The following CNTNAP5 variants were observed in gnomAD, a reference collection of about 807,000 sequenced individuals.
CNTNAP5 encodes the protein contactin-associated protein-like 5.
A neutral mutation model predicts 150.2 loss-of-function variants in CNTNAP5; 72 were observed. That is an observed-to-expected ratio of 0.48 (90% CI 0.40 to 0.58). The LOEUF is 0.58. Among genes scored for constraint, CNTNAP5 ranks in the 20% least tolerant of loss-of-function variants. The pLI is 0.00. For synonymous variants in CNTNAP5, 672 were observed against 619.8 expected (o/e 1.08, Z -1.25); for missense variants, 1,636 against 1,626.2 (o/e 1.01, Z -0.10).
At chr2:124,055,010 C>T (rs1329797872) in intron 1 of CNTNAP5, among the ~76,000 whole-genome samples, 1 of 152,174 alleles carries the variant, frequency 6.6e-6, no homozygotes, top group Non-Finnish European at 1.5e-5. Flanking sequence ...TCTGGGCTCT[C>T]ACCCCTCTGC....
intron 3 of CNTNAP5, among the ~76,000 whole-genome samples, chr2:124,385,368 C>T (rs141438055): frequency 1.3e-5 from 2 of 152,214 alleles, no homozygotes; most frequent in East Asian, 1.9e-4. Context: ...TCTCTTTACC[C>T]CACTTCAATC....
At chr2:124,426,624 G>A (rs1231651345) in intron 4 of CNTNAP5, among the ~76,000 whole-genome samples, 1 of 152,190 alleles carries the variant, frequency 6.6e-6, no homozygotes, top group East Asian at 1.9e-4. Context: ...TGGCCCGTGA[G>A]GAAGCTGACT....
chr2:124,090,915 A>G (rs928586553), intron 1 of CNTNAP5, among the ~76,000 whole-genome samples: 1 of 152,224 alleles, frequency 6.6e-6, no homozygotes, highest in Non-Finnish European at 1.5e-5. Flanking sequence ...TCTGTTCAAT[A>G]CATTAAGCCC....
chr2:124,247,045 A>G (rs1210240311), intron 3 of CNTNAP5, among the ~76,000 whole-genome samples: 1 of 152,080 alleles, frequency 6.6e-6, no homozygotes, highest in Non-Finnish European at 1.5e-5. Flanking sequence ...CACAGAGGTC[A>G]ATTCAAGCAA....
intron 1 of CNTNAP5, among the ~76,000 whole-genome samples, chr2:124,080,406 T>TA (rs1682533230): frequency 6.6e-6 from 1 of 152,200 alleles, no homozygotes; most frequent in Admixed American, 6.5e-5. Context: ...TAAATTGCCA[T>TA]AAACTAAGAC....
At chr2:124,543,053 T>G (rs1051045753) in intron 10 of CNTNAP5, among the ~76,000 whole-genome samples, 6 of 152,176 alleles carry the variant, frequency 3.9e-5, no homozygotes, top group African/African-American at 1.2e-4. Context: ...AACTTCCCAA[T>G]GTGGTTCACG....
At position 124,163,410 on chromosome 2, in the gene CNTNAP5, CAG is replaced by C. The variant is rs531092176; in HGVS notation, c.83-58290_83-58289del. 1.5e-3 allele frequency among the ~76,000 whole-genome samples: 221 copies of C among 152,246 alleles called. 2 individuals carry two copies. The highest frequency in any genetic ancestry group is 5.0e-3 in the African/African-American group (208 of 41,544). ...AGGAAAGCCTGTATCTACCTACTGACAGAGAGTTTTCATTTACTGCAAATGTC... is the reference window on the plus strand; with the variant it reads ...AGGAAAGCCTGTATCTACCTACTGACAGAGTTTTCATTTACTGCAAATGTC... On this transcript the variant is annotated intron_variant, in intron 1 of 23. Coordinates refer to ENST00000682447, the MANE Select transcript of CNTNAP5 (RefSeq NM_001367498.1).
chr2:124,238,411 T>C (rs950087743), intron 2 of CNTNAP5, among the ~76,000 whole-genome samples: 4 of 152,168 alleles, frequency 2.6e-5, no homozygotes, highest in Admixed American at 6.5e-5. Flanking sequence ...CATCTATTCC[T>C]CCAAAGTCAA....
intron 2 of CNTNAP5, among the ~76,000 whole-genome samples, chr2:124,237,663 C>A (rs1039453517): frequency 6.6e-6 from 1 of 152,162 alleles, no homozygotes. Flanking sequence ...ATGGTGAAAC[C>A]CTGTTTCTAC....
At chr2:124,824,154 G>A (rs745800689) in intron 19 of CNTNAP5, among the ~76,000 whole-genome samples, 5 of 151,864 alleles carry the variant, frequency 3.3e-5, no homozygotes, top group Non-Finnish European at 7.4e-5. Flanking sequence ...TTGACCTTAG[G>A]TGATCTGCCC....
At chr2:124,478,642 A>G (rs1359063844) in intron 7 of CNTNAP5, among the ~76,000 whole-genome samples, 1 of 152,096 alleles carries the variant, frequency 6.6e-6, no homozygotes, top group Non-Finnish European at 1.5e-5. Flanking sequence ...TTCTGTAGTC[A>G]AGCTTAAAGT....
At chr2:124,660,059 G>A (rs959925499) in intron 13 of CNTNAP5, among the ~76,000 whole-genome samples, 3 of 151,078 alleles carry the variant, frequency 2.0e-5, no homozygotes, top group African/African-American at 4.9e-5. Context: ...AGGAAGGAAG[G>A]AAGGAAGGAA....
chr2:124,580,389 G>C (rs1696384200), intron 11 of CNTNAP5, among the ~76,000 whole-genome samples: 1 of 152,214 alleles, frequency 6.6e-6, no homozygotes, highest in African/African-American at 2.4e-5. Flanking sequence ...GTGGTCAACT[G>C]TTCAAACCAT....
Position 124,576,751 on chromosome 2 carries a change from A to T in CNTNAP5, c.1756+13428A>T, listed in dbSNP as rs377629377. Among the ~76,000 whole-genome samples the T allele has an allele frequency of 2.6e-5, 4 of 152,320 alleles. No individual in the cohort carries two copies. In the East Asian group the frequency reaches 7.7e-4, roughly 29 times the overall value. Reference sequence around the variant, plus strand: ...AAATTATTCACCTTCTCAGAACGTTAGTTCTCTCATCTCTAAATATAGGGA... The same window carrying T: ...AAATTATTCACCTTCTCAGAACGTTTGTTCTCTCATCTCTAAATATAGGGA... On this transcript the variant is annotated intron_variant, in intron 11 of 23. Transcript: ENST00000682447.
intron 3 of CNTNAP5, among the ~76,000 whole-genome samples, chr2:124,361,842 T>C (rs1243016487): frequency 2.6e-5 from 4 of 152,234 alleles, no homozygotes; most frequent in East Asian, 3.9e-4. Context: ...TCCACCCAGT[T>C]CGAGCTTCCC....
chr2:124,737,486 A>G (rs1489537275), intron 13 of CNTNAP5, among the ~76,000 whole-genome samples: 1 of 152,110 alleles, frequency 6.6e-6, no homozygotes, highest in Non-Finnish European at 1.5e-5. Context: ...GGAGGCCAGT[A>G]CAGCTGGAGG....
At chr2:124,583,796 C>T (rs970573852) in intron 11 of CNTNAP5, among the ~76,000 whole-genome samples, 4 of 152,130 alleles carry the variant, frequency 2.6e-5, no homozygotes, top group African/African-American at 7.2e-5. Context: ...TCCTCTGGAT[C>T]CTGCTTCAGC....
chr2:124,540,789 C>A (rs1695363042), intron 10 of CNTNAP5, among the ~76,000 whole-genome samples: 1 of 152,088 alleles, frequency 6.6e-6, no homozygotes, highest in African/African-American at 2.4e-5. Flanking sequence ...CCACAGTAGA[C>A]AATCTCTAAC....
intron 10 of CNTNAP5, among the ~76,000 whole-genome samples, chr2:124,560,778 CA>C (rs1456027592): frequency 3.3e-5 from 5 of 152,114 alleles, no homozygotes. Context: ...ACCGACCACA[CA>C]GTGTTGGCAT....
Sources: gnomAD v4.1 joint callset for allele counts (sites outside exome capture counted in the v4.1 genomes callset) on GRCh38, gnomAD v4.1.1 for gene constraint, MANE v1.5 for transcripts, NCBI Gene and HGNC (gene_info 2026-07-23, HGNC 2026-07-21) for gene names.